Variants in TRIM32 observed in about 807,000 individuals in gnomAD.
TRIM32 encodes tripartite motif containing 32, also known as E3 ubiquitin-protein ligase TRIM32.
Under a neutral mutation model 36.0 loss-of-function variants are expected in TRIM32, and 19 were observed. The ratio of observed to expected loss-of-function variants is 0.53; its 90% confidence interval spans 0.37 to 0.77. The LOEUF is 0.77. Among genes scored for constraint, TRIM32 ranks in the 30% least tolerant of loss-of-function variants. TRIM32 has a pLI of 0.00. For missense variants in TRIM32, 747 were observed against 845.2 expected (o/e 0.88, Z 1.44); for synonymous variants, 309 against 318.5 (o/e 0.97, Z 0.32).
In TRIM32 at chr9:116,698,369, T is replaced by C. The variant is rs1450619618; in HGVS notation, c.627T>C (p.Ser209=). 6.2e-7 allele frequency: 1 copy of C among 1,614,128 alleles called. No individual in the cohort carries two copies. Among genetic ancestry groups the C allele is most frequent in the Admixed American group, 1.7e-5 (1 of 60,010 alleles). The change falls in exon 2 of 2, where the codon TCT becomes TCC. Residue 209 remains serine (S), a synonymous_variant. Coordinates refer to ENST00000450136, the MANE Select transcript of TRIM32 (RefSeq NM_012210.4). The surrounding 1 kb of genome is among the most constrained non-coding windows in gnomAD (Gnocchi z 4.4). ...LARSRKFFTG[S]LAEVEKSNSQ... ...GCTCTCGGAAGTTCTTCACAGGCTC[T>C]TTGGCTGAAGTTGAGAAGTCCAATA...
intron 1 of TRIM32, among the ~76,000 whole-genome samples, chr9:116,696,583 C>T (rs1007546171): frequency 6.6e-6 from 1 of 152,150 alleles, no homozygotes; most frequent in Non-Finnish European, 1.5e-5. Context: ...GTCATCTTCC[C>T]TTTGAAAATT....
At chr9:116,693,139 C>G (rs1860657316) in intron 1 of TRIM32, among the ~76,000 whole-genome samples, 2 of 152,068 alleles carry the variant, frequency 1.3e-5, no homozygotes, top group South Asian at 4.1e-4. Context: ...AATGCTGTTT[C>G]TGGTTATTAT....
At chr9:116,689,107 TC>T (rs768452232) in intron 1 of TRIM32, among the ~76,000 whole-genome samples, 1 of 151,862 alleles carries the variant, frequency 6.6e-6, no homozygotes, top group Non-Finnish European at 1.5e-5. Context: ...GATACGCCCT[TC>T]CCCCCCGCAG....
chr9:116,690,818 A>G (rs935044653), intron 1 of TRIM32, among the ~76,000 whole-genome samples: 3 of 152,228 alleles, frequency 2.0e-5, no homozygotes, highest in Non-Finnish European at 4.4e-5. Flanking sequence ...TTATGAGACT[A>G]TGAGAACATA....
rs1861115038 is a variant in TRIM32 at position 116,700,442 on chromosome 9, A to C, written c.*738A>C. The C allele has an allele frequency of 6.0e-6, 1 of 167,176 alleles. No individual in the cohort carries two copies. The highest frequency in any genetic ancestry group is 2.4e-5 in the African/African-American group (1 of 41,474). 10.4% of individuals were successfully genotyped at this position (167,176 alleles called of 1,614,324 possible). A position where few individuals can be genotyped will look rare whatever the true frequency, so the allele number is the denominator to read the frequency against. On this transcript the variant is annotated 3_prime_UTR_variant, in exon 2 of 2. Transcript: ENST00000450136. ...AAAGAAGCATATATGGGTTGGAATT[A>C]TGCCAAAGCATAGGAAGCTGGGAAT...
In TRIM32 at chr9:116,699,214, G is replaced by A. The variant is rs376113966; in HGVS notation, c.1472G>A (p.Gly491Glu). ...TTTGTAGTAACCGATGTGGAAGGTG[G>A]AAAGCTTTGGTGTTTCACAGTTGAT... is the stretch of plus-strand genomic sequence containing the variant. ...GQFVVTDVEG[G>E]KLWCFTVDRG... Residue 491 changes from glycine to glutamate, a missense_variant, in exon 2 of 2, where the codon GGA (glycine) becomes GAA (glutamate). Transcript: ENST00000450136. This position sits in a 1 kb window ranked among gnomAD's most constrained non-coding sequence, Gnocchi z 4.2. 3.7e-6 allele frequency: 6 copies of A among 1,614,224 alleles called. No individual in the cohort carries two copies. Among genetic ancestry groups the A allele is most frequent in the Non-Finnish European group, 5.1e-6 (6 of 1,180,048 alleles).
At chr9:116,696,898 G>T (rs1860883300) in intron 1 of TRIM32, among the ~76,000 whole-genome samples, 1 of 148,120 alleles carries the variant, frequency 6.8e-6, no homozygotes, top group Non-Finnish European at 1.5e-5. Context: ...TTCTGCTTCT[G>T]TGGATGATTC....
rs113989286 is a variant in TRIM32 at position 116,691,324 on chromosome 9, G to C, written c.-82+3943G>C. Among the ~76,000 whole-genome samples, 950 of 152,226 alleles carry C rather than the reference G, an allele frequency of 6.2e-3. 6 individuals carry two copies. The highest frequency in any genetic ancestry group is 0.031 in the South Asian group (151 of 4,820). ...AGGTTAGTTGGAGGTCCCTGAGAAG[G>C]GGCTATTGATTTTTCCTTTGTCTTA... On this transcript the variant is annotated intron_variant, in intron 1 of 1. Transcript: ENST00000450136.
chr9:116,689,790 T>A (rs803943), intron 1 of TRIM32, among the ~76,000 whole-genome samples: 86,231 of 151,870 alleles, frequency 0.57, 25,053 homozygotes, highest in East Asian at 0.87. Flanking sequence ...GACCAAGACC[T>A]GGGGCTAGAT....
In TRIM32 at chr9:116,698,371, T is replaced by C; in HGVS notation, c.629T>C (p.Leu210Ser). Residue 210 changes from leucine to serine, a missense_variant, in exon 2 of 2, where the codon TTG (leucine) becomes TCG (serine). By Grantham distance (145) the Leu-to-Ser change is moderately radical (BLOSUM62 -2). Coordinates refer to ENST00000450136, the MANE Select transcript of TRIM32 (RefSeq NM_012210.4). This position sits in a 1 kb window ranked among gnomAD's most constrained non-coding sequence, Gnocchi z 4.4. The stretch of plus-strand genomic sequence containing the variant: ...TCTCGGAAGTTCTTCACAGGCTCTT[T>C]GGCTGAAGTTGAGAAGTCCAATAGT... ...ARSRKFFTGS[L>S]AEVEKSNSQV... is the part of the protein sequence containing the mutation. The C allele has an allele frequency of 6.2e-7, 1 of 1,614,132 alleles. No homozygotes were observed.
At chr9:116,695,475 T>C (rs1860797435) in intron 1 of TRIM32, among the ~76,000 whole-genome samples, 1 of 152,238 alleles carries the variant, frequency 6.6e-6, no homozygotes, top group Non-Finnish European at 1.5e-5. Flanking sequence ...TGGTAGAAAT[T>C]TGTTGTAATG....
Position 116,698,141 on chromosome 9 carries a change from C to G in TRIM32, c.399C>G (p.His133Gln). 3 of 1,614,136 alleles carry G rather than the reference C, an allele frequency of 1.9e-6. No individual in the cohort carries two copies. Among genetic ancestry groups the G allele is most frequent in the Non-Finnish European group, 2.5e-6 (3 of 1,180,038 alleles). ...AGGCAGACCATCAGCCTCCTGGCCA[C>G]TGTACACTCCCTGTCAAAGAAGCAG... ...CREADHQPPG[H>Q]CTLPVKEAAE... The change falls in exon 2 of 2, where the codon CAC (histidine) becomes CAG (glutamine). Residue 133 changes from histidine (H) to glutamine (Q), a missense_variant. By Grantham distance (24) the His-to-Gln change is conservative. Coordinates refer to ENST00000450136, the MANE Select transcript of TRIM32 (RefSeq NM_012210.4). The surrounding 1 kb of genome is among the most constrained non-coding windows in gnomAD (Gnocchi z 4.4).
rs1391364586 is a variant in TRIM32 at position 116,697,740 on chromosome 9, G to C, written c.-3G>C. 2.5e-6 allele frequency: 4 copies of C among 1,613,916 alleles called. No homozygotes were observed. The highest frequency in any genetic ancestry group is 3.4e-6 in the Non-Finnish European group (4 of 1,180,022). ...GCTAGCAATACCCTTCAAAGGAAGA[G>C]CAATGGCTGCAGCAGCAGCTTCTCA... On this transcript the variant is annotated 5_prime_UTR_variant, in exon 2 of 2. Transcript: ENST00000450136.
At chr9:116,690,638 A>G (rs1860519634) in intron 1 of TRIM32, among the ~76,000 whole-genome samples, 1 of 152,216 alleles carries the variant, frequency 6.6e-6, no homozygotes, top group African/African-American at 2.4e-5. Flanking sequence ...GTCTAAAGCT[A>G]GGGAACTATG....
intron 1 of TRIM32, chr9:116,697,328 T>C (rs1860913650): frequency 8.8e-6 from 2 of 227,992 alleles, no homozygotes; most frequent in Admixed American, 1.0e-4. Context: ...TTAGCCCTTA[T>C]AATAACCATA....
Position 116,699,500 on chromosome 9 carries a change from T to G in TRIM32, c.1758T>G (p.Arg586=). The G allele has an allele frequency of 6.2e-7, 1 of 1,614,126 alleles. No homozygotes were observed. Among genetic ancestry groups the G allele is most frequent in the Non-Finnish European group, 8.5e-7 (1 of 1,180,026 alleles). Residue 586 remains arginine, a synonymous_variant, in exon 2 of 2, where the codon CGT becomes CGG. Transcript: ENST00000450136. This position sits in a 1 kb window ranked among gnomAD's most constrained non-coding sequence, Gnocchi z 4.2. Reference sequence around the variant, plus strand: ...TTGCTGGCATGTGTGTGGATGCTCGTGGTGATCTCATCGTGGCTGACAGTA... The same window carrying G: ...TTGCTGGCATGTGTGTGGATGCTCGGGGTGATCTCATCGTGGCTGACAGTA... ...RCIAGMCVDA[R]GDLIVADSSR...
At chr9:116,690,533 C>G (rs541767264) in intron 1 of TRIM32, among the ~76,000 whole-genome samples, 1 of 152,300 alleles carries the variant, frequency 6.6e-6, no homozygotes, top group Admixed American at 6.5e-5. Context: ...TGATGTGTAA[C>G]CTTTGTGACA....
chr9:116,696,267 C>G (rs532401930), intron 1 of TRIM32, among the ~76,000 whole-genome samples: 23 of 152,250 alleles, frequency 1.5e-4, no homozygotes, highest in African/African-American at 5.5e-4. Flanking sequence ...CAGTTTTAAT[C>G]TAAGGATAAT....
chr9:116,693,961 A>C (rs1860704686), intron 1 of TRIM32, among the ~76,000 whole-genome samples: 1 of 152,132 alleles, frequency 6.6e-6, no homozygotes, highest in African/African-American at 2.4e-5. Context: ...TTTTCAAGTC[A>C]TGGAAGTGGG....
Sources: allele counts gnomAD v4.1 joint callset (sites outside exome capture counted in the v4.1 genomes callset), GRCh38; gene constraint gnomAD v4.1.1; non-coding constraint Gnocchi (gnomAD v3.1); transcripts MANE v1.5; gene names NCBI Gene and HGNC (gene_info 2026-07-23, HGNC 2026-07-21).